Variants in RIC1 observed in about 807,000 individuals in gnomAD.
RIC1 encodes the protein guanine nucleotide exchange factor subunit RIC1.
Under a neutral mutation model 169.0 loss-of-function variants are expected in RIC1, and 88 were observed. The ratio of observed to expected loss-of-function variants is 0.52; its 90% CI spans 0.44 to 0.62. RIC1 has a LOEUF of 0.62. Among genes scored for constraint, RIC1 ranks in the 20% least tolerant of loss-of-function variants. RIC1 has a pLI of 0.00. For synonymous variants in RIC1, 790 were observed against 601.5 expected, an observed-to-expected ratio of 1.31 and a Z score of -4.59; for missense variants, 1,877 against 1,725.5, an observed-to-expected ratio of 1.09 and a Z score of -1.56.
chr9:5,760,176 C>T (rs1481219922), intron 17 of RIC1, among the ~76,000 whole-genome samples: 1 of 152,184 alleles, frequency 6.6e-6, no homozygotes. Context: ...TGAGAGTGAG[C>T]TCCTTGTTAC....
chr9:5,721,536 G>T (rs1399903630), intron 6 of RIC1, among the ~76,000 whole-genome samples: 1 of 152,162 alleles, frequency 6.6e-6, no homozygotes, highest in Non-Finnish European at 1.5e-5. Flanking sequence ...GCGCTTGTGG[G>T]CATTATTCAG....
At chr9:5,751,346 T>C (rs1271017795) in intron 12 of RIC1, among the ~76,000 whole-genome samples, 1 of 151,798 alleles carries the variant, frequency 6.6e-6, no homozygotes, top group Non-Finnish European at 1.5e-5. Flanking sequence ...CCCATCATAG[T>C]GATCTTTTTG....
chr9:5,768,730 C>G (rs1826976407), intron 21 of RIC1, among the ~76,000 whole-genome samples: 1 of 152,150 alleles, frequency 6.6e-6, no homozygotes, highest in Non-Finnish European at 1.5e-5. Flanking sequence ...CTGACTTCTT[C>G]TGTCCCCCTT....
chr9:5,679,605 G>A (rs10975237), intron 2 of RIC1, among the ~76,000 whole-genome samples: 44,585 of 151,808 alleles, frequency 0.29, 7,813 homozygotes, highest in East Asian at 0.62. Flanking sequence ...TGAAGCAATT[G>A]TGAATGGGAG....
At chr9:5,765,340 C>T (rs566361465) in intron 19 of RIC1, 74 bp from the exon 20 acceptor site, 30 of 1,467,932 alleles carry the variant, frequency 2.0e-5, no homozygotes, top group Admixed American at 4.3e-5. Context: ...GTTTAGAAAA[C>T]GAGATAAAGA....
In RIC1 at chr9:5,664,469, C is replaced by A. The variant is rs562800080; in HGVS notation, c.252+7779C>A. ...TCTCTTCTGGCTTTTAGGGTTTTCA[C>A]TGAGAGGTCTATTGTTAGTCTCATG... On this transcript the variant is annotated intron_variant, in intron 2 of 25. Transcript: ENST00000414202. Among the ~76,000 whole-genome samples the A allele has an allele frequency of 4.3e-4, 65 of 152,064 alleles. 1 individual carries two copies. The highest frequency in any genetic ancestry group is 1.4e-3 in the African/African-American group (60 of 41,496).
At chr9:5,706,838 G>A (rs541049506) in intron 3 of RIC1, among the ~76,000 whole-genome samples, 8 of 151,756 alleles carry the variant, frequency 5.3e-5, no homozygotes, top group African/African-American at 1.7e-4. Flanking sequence ...TTTTTCCTTA[G>A]GTTTTTCAAT....
intron 2 of RIC1, among the ~76,000 whole-genome samples, chr9:5,663,014 A>G (rs1283419969): frequency 2.1e-4 from 32 of 152,158 alleles, no homozygotes; most frequent in Non-Finnish European, 1.5e-5. Flanking sequence ...CATCCCAGAG[A>G]TTCTGGTACA....
chr9:5,631,833 T>G (rs757616877), intron 1 of RIC1, among the ~76,000 whole-genome samples: 8 of 152,202 alleles, frequency 5.3e-5, no homozygotes, highest in Non-Finnish European at 1.0e-4. Flanking sequence ...TGTATGAAAG[T>G]TTTCATTTTG....
rs186302108 is a variant in RIC1, at chr9:5,690,188, C to G, written c.332+150C>G. The G allele has an allele frequency of 9.4e-5, 45 of 480,158 alleles. No individual in the cohort carries two copies. The East Asian group carries it at 1.1e-3, about 11-fold the overall frequency. 29.7% of individuals were successfully genotyped at this position (480,158 alleles called of 1,614,324 possible). On this transcript the variant is annotated intron_variant, in intron 3 of 25. Transcript: ENST00000414202. The stretch of plus-strand genomic sequence containing the variant: ...TTTAAAAAATTACCAGGTCTTTGAA[C>G]TGTCATTTCTTGAATAAAGAATTCT...
chr9:5,706,879 TTTAA>T (rs1266087767), intron 3 of RIC1, among the ~76,000 whole-genome samples: 1 of 152,178 alleles, frequency 6.6e-6, no homozygotes, highest in Non-Finnish European at 1.5e-5. Flanking sequence ...ACCAACTTGC[TTTAA>T]TTGATTTTTC....
In RIC1 at chr9:5,652,216, T is replaced by C. The variant is rs1226843278; in HGVS notation, c.145-4367T>C. ...GAGGTCCTCTGTGGTTCAGTATGAA[T>C]TTTAGGCTTGTGTTTTCCACTGCTG... On this transcript the variant is annotated intron_variant, in intron 1 of 25. Transcript: ENST00000414202. Among the ~76,000 whole-genome samples, 20 of 152,234 alleles carry C rather than the reference T, an allele frequency of 1.3e-4. 1 individual carries two copies. The highest frequency in any genetic ancestry group is 1.3e-3 in the Admixed American group (20 of 15,280).
downstream of RIC1, chr9:5,776,658 A>G (rs998956233): frequency 6.6e-6 from 1 of 152,032 alleles, no homozygotes; most frequent in Non-Finnish European, 1.5e-5. Flanking sequence ...AAATTCAGAC[A>G]GATTTATTTA....
In RIC1 at chr9:5,769,132, A is replaced by G. The variant is rs756059993; in HGVS notation, c.3300A>G (p.Arg1100=). The part of the protein sequence containing the change: ...LISWLCKERT[R]AARVDNFVIA... ...GTTGGCTATGCAAGGAACGTACCCG[A>G]GCCGCCCGGGTAGACAACTTTGTAA... Residue 1100 remains arginine (R), a synonymous_variant, in exon 22 of 26, where the codon CGA becomes CGG. Transcript: ENST00000414202. 1 of 1,614,110 alleles carries G rather than the reference A, an allele frequency of 6.2e-7. No individual in the cohort carries two copies. The highest frequency in any genetic ancestry group is 8.5e-7 in the Non-Finnish European group (1 of 1,179,966).
chr9:5,678,651 G>C (rs562885717), intron 2 of RIC1, among the ~76,000 whole-genome samples: 1,781 of 152,216 alleles, frequency 0.012, 43 homozygotes, highest in African/African-American at 0.037. Flanking sequence ...GTCTTCTTTT[G>C]AGAAGTGTCT....
chr9:5,697,011 A>C (rs79093042), intron 3 of RIC1, among the ~76,000 whole-genome samples: 2,054 of 152,314 alleles, frequency 0.013, 55 homozygotes, highest in African/African-American at 0.047. Context: ...TCAGAACCGA[A>C]ATGTCTCCCA....
chr9:5,689,079 C>T (rs368023304), intron 2 of RIC1, among the ~76,000 whole-genome samples: 25 of 115,220 alleles, frequency 2.2e-4, no homozygotes, highest in Middle Eastern at 9.6e-3. Flanking sequence ...GACGGAGTCT[C>T]GCTCTGTCGC....
chr9:5,715,049 TC>T (rs1391484372), intron 4 of RIC1, among the ~76,000 whole-genome samples: 4 of 152,224 alleles, frequency 2.6e-5, no homozygotes, highest in Non-Finnish European at 5.9e-5. Flanking sequence ...GTTTGGTCCA[TC>T]CCCTTCATAT....
chr9:5,731,549 C>G (rs547397730), intron 6 of RIC1, among the ~76,000 whole-genome samples: 2 of 152,016 alleles, frequency 1.3e-5, no homozygotes, highest in Non-Finnish European at 2.9e-5. Flanking sequence ...GCCACTTTTT[C>G]TGCTAACTGA....
Sources: allele counts gnomAD v4.1 joint callset (sites outside exome capture counted in the v4.1 genomes callset), GRCh38; gene constraint gnomAD v4.1.1; transcripts MANE v1.5; gene names NCBI Gene and HGNC (gene_info 2026-07-23, HGNC 2026-07-21).